PGRMC2: variants seen among roughly 807,000 people sequenced by gnomAD.
PGRMC2 encodes progesterone receptor membrane component 2, also known as membrane-associated progesterone receptor component 2.
Under a neutral mutation model 19.3 loss-of-function variants are expected in PGRMC2, and 9 were observed. That is an observed-to-expected ratio of 0.47 (90% CI 0.28 to 0.81). The LOEUF (loss-of-function observed/expected upper bound fraction) is 0.81, where lower values mean the gene tolerates loss of function less well. PGRMC2 is among the 40% of genes least tolerant of loss of function. PGRMC2 has a pLI of 0.11. For synonymous variants in PGRMC2, 157 were observed against 124.6 expected (o/e 1.26, Z -1.73); for missense variants, 289 against 297.3 (o/e 0.97, Z 0.21).
chr4:128,272,576 G>C lies in PGRMC2; in HGVS notation c.419-59C>G, dbSNP rs1760747654. ...TAACAATATTTTAGAATGTCTCAAA[G>C]GAAAAAGTAAAAAAAAAAAAAAAAA... On this transcript the variant is annotated intron_variant, in intron 1 of 2. Transcript: ENST00000296425. 6 of 573,470 alleles carry C rather than the reference G, an allele frequency of 1.0e-5. No individual in the cohort carries two copies. The East Asian group carries it at 2.6e-4, about 24-fold the overall frequency. The allele number at this position is 573,470 out of a possible 1,614,324, so 35.5% of individuals were successfully genotyped here.
At chr4:128,279,761 G>GTATA (rs1760875872) in intron 1 of PGRMC2, among the ~76,000 whole-genome samples, 1 of 152,148 alleles carries the variant, frequency 6.6e-6, no homozygotes, top group African/African-American at 2.4e-5. Context: ...TGAAGGGTAT[G>GTATA]CATAGTATAC....
intron 1 of PGRMC2, among the ~76,000 whole-genome samples, chr4:128,285,061 T>C (rs1760962922): frequency 6.6e-6 from 1 of 152,198 alleles, no homozygotes; most frequent in African/African-American, 2.4e-5. Context: ...GACTTCTCCA[T>C]TGTAATCTCA....
intron 2 of PGRMC2, 70 bp downstream of exon 2, chr4:128,272,292 A>G (rs1760742215): frequency 1.1e-6 from 1 of 929,324 alleles, no homozygotes; most frequent in African/African-American, 1.7e-5. Flanking sequence ...CTCTTAAAGC[A>G]TGTAAAATAG....
chr4:128,279,819 C>G (rs1356472139), intron 1 of PGRMC2, among the ~76,000 whole-genome samples: 1 of 152,170 alleles, frequency 6.6e-6, no homozygotes. Flanking sequence ...CTTGTACTTG[C>G]ACCCAAAATA....
chr4:128,278,453 T>C (rs75898301), intron 1 of PGRMC2, among the ~76,000 whole-genome samples: 3,498 of 152,006 alleles, frequency 0.023, 72 homozygotes, highest in Non-Finnish European at 0.036. Context: ...GCGCCTGTAA[T>C]CCCGGTTACT....
intron 1 of PGRMC2, among the ~76,000 whole-genome samples, chr4:128,278,520 C>T (rs1456204932): frequency 2.0e-5 from 3 of 151,924 alleles, no homozygotes; most frequent in Non-Finnish European, 2.9e-5. Flanking sequence ...TGCAGTGAGC[C>T]GAGATGGCGC....
chr4:128,278,525 T>C (rs1198797502), intron 1 of PGRMC2, among the ~76,000 whole-genome samples: 1 of 152,064 alleles, frequency 6.6e-6, no homozygotes, highest in Non-Finnish European at 1.5e-5. Flanking sequence ...TGAGCCGAGA[T>C]GGCGCCACTG....
At chr4:128,286,340 A>G (rs1487794385) in intron 1 of PGRMC2, among the ~76,000 whole-genome samples, 1 of 152,128 alleles carries the variant, frequency 6.6e-6, no homozygotes, top group East Asian at 1.9e-4. Context: ...AACAGGTTCC[A>G]TGAGTCTGGG....
chr4:128,269,790 A>C lies in PGRMC2; in HGVS notation c.*1526T>G, dbSNP rs1354935101. ...AGGGCTTTTTCAACCTAATAAAATA[A>C]TAATTTAGTATCTATCAGTGCAATA... On this transcript the variant is annotated 3_prime_UTR_variant, in exon 3 of 3. Coordinates refer to ENST00000296425, the MANE Select transcript of PGRMC2 (RefSeq NM_006320.6). 6.6e-6 allele frequency: 1 copy of C among 152,228 alleles called. No homozygotes were observed. The highest frequency in any genetic ancestry group is 1.5e-5 in the Non-Finnish European group (1 of 68,038). 9.4% of individuals were successfully genotyped at this position (152,228 alleles called of 1,614,324 possible).
In PGRMC2 at chr4:128,272,366, A is replaced by G. The variant is rs1382439690; in HGVS notation, c.570T>C (p.Phe190=). The G allele has an allele frequency of 1.3e-6, 2 of 1,493,492 alleles. No individual in the cohort carries two copies. Among genetic ancestry groups the G allele is most frequent in the South Asian group, 2.8e-5 (2 of 70,834 alleles). The allele number at this position is 1,493,492 out of a possible 1,614,324, so 92.5% of individuals were successfully genotyped here. The change falls in exon 2 of 3, where the codon TTT becomes TTC. Residue 190 remains phenylalanine, a synonymous_variant. Transcript: ENST00000296425. ...MESVREWEMQ[F]KEKYDYVGRL... ...AATCCAACAAAATAAAAATACCTTT[A>G]AACTGCATTTCCCATTCTCGAACAC...
chr4:128,286,318 G>A (rs531763650), intron 1 of PGRMC2, among the ~76,000 whole-genome samples: 4 of 151,976 alleles, frequency 2.6e-5, no homozygotes, highest in Non-Finnish European at 5.9e-5. Flanking sequence ...TTGCTCAACT[G>A]TATGATATAC....
Position 128,287,492 on chromosome 4 carries a change from T to C in PGRMC2, c.299A>G (p.Lys100Arg). 6.2e-7 allele frequency: 1 copy of C among 1,613,426 alleles called. No homozygotes were observed. Among genetic ancestry groups the C allele is most frequent in the Non-Finnish European group, 8.5e-7 (1 of 1,179,696 alleles). The change falls in exon 1 of 3, where the codon AAG (lysine) becomes AGG (arginine). Residue 100 changes from lysine to arginine, a missense_variant. Transcript: ENST00000296425. ...CAGCTGCTCCAAGCTGAAGTCCCGC[T>C]TCTTCATGCGAGGCAGAGAGGTGGC... is the stretch of plus-strand genomic sequence containing the variant. Reference protein sequence around the residue: ...SPATSLPRMKKRDFSLEQLRQ... With the variant: ...SPATSLPRMKRRDFSLEQLRQ...
intron 1 of PGRMC2, among the ~76,000 whole-genome samples, chr4:128,283,370 T>C (rs1377125172): frequency 6.6e-6 from 1 of 152,212 alleles, no homozygotes; most frequent in Non-Finnish European, 1.5e-5. Context: ...GTTTCCTCCT[T>C]CTCCTCCTCT....
intron 1 of PGRMC2, among the ~76,000 whole-genome samples, chr4:128,285,245 G>A (rs967653507): frequency 2.6e-5 from 4 of 152,092 alleles, no homozygotes; most frequent in African/African-American, 7.2e-5. Flanking sequence ...CCCTGCCTCC[G>A]CCTCCCGAGT....
At chr4:128,287,309 C>T (rs1461926765) in intron 1 of PGRMC2, 64 bp downstream of exon 1, 1 of 1,527,870 alleles carries the variant, frequency 6.5e-7, no homozygotes, top group Admixed American at 1.9e-5. Context: ...CAGAGGCCTC[C>T]CTGTCCGAAG....
At chr4:128,286,682 G>A (rs1348097194) in intron 1 of PGRMC2, 1 of 398,382 alleles carries the variant, frequency 2.5e-6, no homozygotes, top group East Asian at 3.6e-5. Flanking sequence ...TCTTTAATAA[G>A]CTCTGCATTC....
intron 1 of PGRMC2, among the ~76,000 whole-genome samples, chr4:128,277,515 A>T (rs1028936392): frequency 2.0e-5 from 3 of 152,240 alleles, no homozygotes; most frequent in Admixed American, 1.3e-4. Flanking sequence ...GGGATATTTT[A>T]ATTATTCTCA....
intron 1 of PGRMC2, among the ~76,000 whole-genome samples, chr4:128,282,137 A>G (rs1010827251): frequency 6.6e-6 from 1 of 152,198 alleles, no homozygotes; most frequent in Non-Finnish European, 1.5e-5. Flanking sequence ...GGATAGGAAC[A>G]CATCTGTTTT....
chr4:128,285,804 C>A (rs1266660620), intron 1 of PGRMC2, among the ~76,000 whole-genome samples: 1 of 152,106 alleles, frequency 6.6e-6, no homozygotes, highest in Admixed American at 6.5e-5. Context: ...TCTTGTCCCA[C>A]GTGTGCTTAA....
Sources: allele counts gnomAD v4.1 joint callset (sites outside exome capture counted in the v4.1 genomes callset), GRCh38; gene constraint gnomAD v4.1.1; transcripts MANE v1.5; gene names NCBI Gene and HGNC (gene_info 2026-07-23, HGNC 2026-07-21).